Variants in MCMBP observed in about 807,000 individuals in gnomAD.
MCMBP encodes the protein minichromosome maintenance complex binding protein.
MCMBP carries 31 observed loss-of-function variants against 81.3 expected under a neutral mutation model. That is an observed-to-expected ratio of 0.38 (90% CI 0.29 to 0.51). The LOEUF (loss-of-function observed/expected upper bound fraction) is 0.51, where lower values mean the gene tolerates loss of function less well. Among genes scored for constraint, MCMBP ranks in the 20% least tolerant of loss-of-function variants. The pLI is 0.87. For synonymous variants in MCMBP, 267 were observed against 275.9 expected (o/e 0.97, Z 0.32); for missense variants, 645 against 772.1 (o/e 0.84, Z 1.95).
intron 1 of MCMBP, among the ~76,000 whole-genome samples, chr10:119,861,236 T>C (rs1332867872): frequency 1.3e-5 from 2 of 152,208 alleles, no homozygotes; most frequent in East Asian, 3.9e-4. Flanking sequence ...TTTACTTAAC[T>C]GGACAAGGGC....
chr10:119,857,515 A>G (rs1233080060), intron 4 of MCMBP, 76 bp from the exon 5 acceptor site: 2 of 836,088 alleles, frequency 2.4e-6, no homozygotes, highest in Non-Finnish European at 3.8e-6. Flanking sequence ...TAGCAACCAC[A>G]TTTTCACATT....
intron 5 of MCMBP, among the ~76,000 whole-genome samples, chr10:119,856,459 A>G (rs1853048171): frequency 6.6e-6 from 1 of 152,236 alleles, no homozygotes; most frequent in Non-Finnish European, 1.5e-5. Flanking sequence ...AAGACTATAT[A>G]TTATATGAGT....
chr10:119,840,411 G>A (rs929765375), intron 11 of MCMBP, among the ~76,000 whole-genome samples: 1 of 152,134 alleles, frequency 6.6e-6, no homozygotes, highest in Non-Finnish European at 1.5e-5. Context: ...CTGCATTCCA[G>A]ATACCCTGGC....
intron 1 of MCMBP, among the ~76,000 whole-genome samples, chr10:119,867,972 A>T (rs1305911135): frequency 2.0e-5 from 3 of 152,242 alleles, no homozygotes; most frequent in African/African-American, 7.2e-5. Flanking sequence ...TTATTGCTTT[A>T]AATTCTCTAA....
At chr10:119,837,376 G>T (rs997766136) in intron 12 of MCMBP, among the ~76,000 whole-genome samples, 1 of 152,118 alleles carries the variant, frequency 6.6e-6, no homozygotes, top group African/African-American at 2.4e-5. Flanking sequence ...TCAGCCTAGT[G>T]AATTTTACAG....
Position 119,872,693 on chromosome 10 carries a change from CCGCGTTCGCT to C in MCMBP, c.-119_-110del, listed in dbSNP as rs2134421941. The C allele has an allele frequency of 2.2e-6, 1 of 462,500 alleles. No individual in the cohort carries two copies. The highest frequency in any genetic ancestry group is 9.5e-5 in the South Asian group (1 of 10,558). The allele number at this position is 462,500 out of a possible 1,614,324, so 28.6% of individuals were successfully genotyped here. On this transcript the variant is annotated 5_prime_UTR_variant, in exon 1 of 16. Transcript: ENST00000369077. ...CTTCAGCGGCTCGGCCGCTCCTCGC[CCGCGTTCGCT>C]CGCGCCCTCCCACGCACAGCGAGCC...
At chr10:119,866,656 T>C (rs756424149) in intron 1 of MCMBP, among the ~76,000 whole-genome samples, 2 of 152,006 alleles carry the variant, frequency 1.3e-5, no homozygotes, top group Non-Finnish European at 2.9e-5. Context: ...GTGGTGGTGA[T>C]GGTTGCACAA....
At chr10:119,837,844 TAAAGGC>T (rs1349819925) in intron 12 of MCMBP, among the ~76,000 whole-genome samples, 1 of 152,090 alleles carries the variant, frequency 6.6e-6, no homozygotes, top group African/African-American at 2.4e-5. Flanking sequence ...ATTAGATGAC[TAAAGGC>T]AAAGCTTCCT....
chr10:119,832,462 G>A (rs746680795), intron 14 of MCMBP, among the ~76,000 whole-genome samples: 8 of 152,158 alleles, frequency 5.3e-5, no homozygotes, highest in Non-Finnish European at 1.0e-4. Context: ...CATACTTGCA[G>A]CAATCCAGAG....
At chr10:119,842,419 C>T in intron 10 of MCMBP, 53 bp downstream of exon 10, 1 of 1,559,098 alleles carries the variant, frequency 6.4e-7, no homozygotes, top group African/African-American at 1.4e-5. Context: ...TCCCGCTCTT[C>T]CACTTCCACA....
chr10:119,842,227 G>T (rs535778465), intron 10 of MCMBP, among the ~76,000 whole-genome samples: 1 of 152,284 alleles, frequency 6.6e-6, no homozygotes, highest in South Asian at 2.1e-4. Flanking sequence ...TGCCTAAAAG[G>T]TTGGGGACCA....
At chr10:119,866,506 A>G (rs1405187348) in intron 1 of MCMBP, among the ~76,000 whole-genome samples, 1 of 152,140 alleles carries the variant, frequency 6.6e-6, no homozygotes, top group Non-Finnish European at 1.5e-5. Context: ...CATGCTTGTG[A>G]TCCCAGCTAC....
intron 6 of MCMBP, among the ~76,000 whole-genome samples, chr10:119,851,473 T>C (rs1852822722): frequency 6.6e-6 from 1 of 152,050 alleles, no homozygotes; most frequent in Admixed American, 6.6e-5. Flanking sequence ...TCTCTGTCAC[T>C]CTGGCTGGAG....
chr10:119,867,290 C>A (rs1391881533), intron 1 of MCMBP, among the ~76,000 whole-genome samples: 1 of 53,510 alleles, frequency 1.9e-5, no homozygotes, highest in African/African-American at 9.1e-5. Context: ...GAGACTCCAT[C>A]TCAAAAAAAA....
In MCMBP at chr10:119,872,734, G is replaced by C. The variant is rs1456502370; in HGVS notation, c.-150C>G. On this transcript the variant is annotated 5_prime_UTR_variant, in exon 1 of 16. Coordinates refer to ENST00000369077, the MANE Select transcript of MCMBP (RefSeq NM_001256378.2). ...CCTCCCACGCACAGCGAGCCGCGGGGCGCGGGCCTCCCGCGCCTCAGGGAG... is the reference window on the plus strand; with the variant it reads ...CCTCCCACGCACAGCGAGCCGCGGGCCGCGGGCCTCCCGCGCCTCAGGGAG... 2 of 230,218 alleles carry C rather than the reference G, an allele frequency of 8.7e-6. No homozygotes were observed. The highest frequency in any genetic ancestry group is 2.6e-4 in the East Asian group (2 of 7,652). The allele number at this position is 230,218 out of a possible 1,614,324, so 14.3% of individuals were successfully genotyped here.
At chr10:119,861,198 C>T (rs1853243435) in intron 1 of MCMBP, among the ~76,000 whole-genome samples, 1 of 152,280 alleles carries the variant, frequency 6.6e-6, no homozygotes, top group Admixed American at 6.5e-5. Flanking sequence ...AATCCTAACA[C>T]CATGTTTGAG....
intron 13 of MCMBP, 142 bp downstream of exon 13, chr10:119,836,754 A>C: frequency 1.5e-6 from 1 of 676,430 alleles, no homozygotes; most frequent in Non-Finnish European, 2.3e-6. Context: ...ATCAGCAGTC[A>C]CAGTTTTTTT....
intron 1 of MCMBP, among the ~76,000 whole-genome samples, chr10:119,865,662 A>G (rs949609854): frequency 6.6e-6 from 1 of 152,242 alleles, no homozygotes; most frequent in African/African-American, 2.4e-5. Context: ...AAACTTGTAC[A>G]TGAATGTTTA....
chr10:119,849,775 A>G (rs1474557781), intron 6 of MCMBP, among the ~76,000 whole-genome samples, 199 bp from the exon 7 acceptor site: 1 of 152,214 alleles, frequency 6.6e-6, no homozygotes, highest in African/African-American at 2.4e-5. Flanking sequence ...ATAAACATGA[A>G]GATCTAAAAA....
Sources: allele counts gnomAD v4.1 joint callset (sites outside exome capture counted in the v4.1 genomes callset), GRCh38; gene constraint gnomAD v4.1.1; transcripts MANE v1.5; gene names NCBI Gene and HGNC (gene_info 2026-07-23, HGNC 2026-07-21).